GALNT13: variants seen among roughly 807,000 people sequenced by gnomAD.
GALNT13 encodes the protein UDP-GalNAc:polypeptide N-acetylgalactosaminyltransferase 13.
GALNT13 carries 28 observed loss-of-function variants against 64.2 expected under a neutral mutation model. The ratio of observed to expected loss-of-function variants is 0.44; its 90% CI spans 0.32 to 0.60. The LOEUF is 0.60. GALNT13 is among the 20% of genes least tolerant of loss of function. The probability of loss-of-function intolerance (pLI) is 0.05; values close to 1 mark genes in which losing one functional copy is unlikely to be tolerated. For synonymous variants in GALNT13, 214 were observed against 224.6 expected (o/e 0.95, Z 0.42); for missense variants, 577 against 669.8 (o/e 0.86, Z 1.53).
chr2:154,389,415 AG>A (rs779779687), intron 9 of GALNT13, among the ~76,000 whole-genome samples: 25 of 152,216 alleles, frequency 1.6e-4, no homozygotes, highest in Non-Finnish European at 3.4e-4. Context: ...CTGGGATTAT[AG>A]GCATGAGCCA....
chr2:154,173,395 A>G (rs1559004491), intron 4 of GALNT13, among the ~76,000 whole-genome samples: 1 of 151,664 alleles, frequency 6.6e-6, no homozygotes, highest in Non-Finnish European at 1.5e-5. Flanking sequence ...AAATTAAATT[A>G]ATAGATTGAA....
the GALNT13 span, among the ~76,000 whole-genome samples, chr2:153,310,305 C>G: frequency 1.3e-5 from 2 of 152,170 alleles, no homozygotes; most frequent in Non-Finnish European, 2.9e-5. Flanking sequence ...GAATGTTGAA[C>G]CAACCATGCA....
At chr2:154,288,271 C>G (rs895074855) in intron 8 of GALNT13, among the ~76,000 whole-genome samples, 2 of 152,046 alleles carry the variant, frequency 1.3e-5, no homozygotes, top group African/African-American at 4.8e-5. Context: ...TCAAGTACCT[C>G]CCACCAGATT....
At chr2:153,236,836 A>C in the GALNT13 span, among the ~76,000 whole-genome samples, 2 of 152,246 alleles carry the variant, frequency 1.3e-5, no homozygotes, top group South Asian at 2.1e-4. Context: ...ATTATTTAAG[A>C]AATACATTTC....
the GALNT13 span, among the ~76,000 whole-genome samples, chr2:153,598,570 G>C: frequency 6.6e-6 from 1 of 151,972 alleles, no homozygotes; most frequent in Non-Finnish European, 1.5e-5. Flanking sequence ...GTTTCATGAA[G>C]GCAAAGATTT....
chr2:154,454,006 GT>G (rs956961412), downstream of GALNT13, among the ~76,000 whole-genome samples: 31 of 152,136 alleles, frequency 2.0e-4, no homozygotes, highest in African/African-American at 6.0e-4. Context: ...GCTAAAAATG[GT>G]TTTTATTTTT....
Position 154,450,466 on chromosome 2 carries a change from A to G in GALNT13, c.1586A>G (p.Glu529Gly). Reference sequence around the variant, plus strand: ...CAATGTCTCGATGAACCTTCTGAAGAAGACAAAATGGTGCCTACAATGCAG... The same window carrying G: ...CAATGTCTCGATGAACCTTCTGAAGGAGACAAAATGGTGCCTACAATGCAG... ...SNQCLDEPSE[E>G]DKMVPTMQDC... The change falls in exon 13 of 13, where the codon GAA becomes GGA. Residue 529 changes from glutamate to glycine, a missense_variant. Physicochemically the swap from Glu to Gly is moderately conservative, Grantham distance 98. Around this residue, in one of 3 missense-constraint regions of GALNT13, gnomAD observed 232 missense variants for 270.6 expected, o/e 0.86. Coordinates refer to ENST00000392825, the MANE Select transcript of GALNT13 (RefSeq NM_052917.4). 2 of 1,612,916 alleles carry G rather than the reference A, an allele frequency of 1.2e-6. No individual in the cohort carries two copies. The highest frequency in any genetic ancestry group is 1.7e-6 in the Non-Finnish European group (2 of 1,179,250).
the GALNT13 span, among the ~76,000 whole-genome samples, chr2:153,346,187 G>A: frequency 6.6e-6 from 1 of 152,106 alleles, no homozygotes; most frequent in Non-Finnish European, 1.5e-5. Flanking sequence ...GCCTCCCAAA[G>A]TGCTGAGATT....
the GALNT13 span, among the ~76,000 whole-genome samples, chr2:153,755,194 G>A: frequency 5.9e-4 from 90 of 152,176 alleles, 1 homozygote; most frequent in South Asian, 0.016. Context: ...GTTTCTGTTC[G>A]TTTGTGTTTG....
At chr2:153,677,714 G>A in the GALNT13 span, among the ~76,000 whole-genome samples, 1 of 151,166 alleles carries the variant, frequency 6.6e-6, no homozygotes, top group African/African-American at 2.4e-5. Flanking sequence ...AATAGACACA[G>A]ACCAATGAAG....
rs79382941 is a variant in GALNT13, at chr2:154,058,081, C to G, written c.143-82256C>G. Among the ~76,000 whole-genome samples the G allele has an allele frequency of 6.0e-3, 913 of 152,172 alleles. 7 individuals are homozygous for G. Among genetic ancestry groups the G allele is most frequent in the Non-Finnish European group, 9.3e-3 (635 of 68,006 alleles). ...ATGTTATAGTATTTGGAGATAGGAC[C>G]TTTATGAAGGTAGTTAATGTTAAAT... On this transcript the variant is annotated intron_variant, in intron 3 of 12. Transcript: ENST00000392825.
intron 3 of GALNT13, among the ~76,000 whole-genome samples, chr2:154,000,985 T>A (rs1205361224): frequency 1.3e-5 from 2 of 152,032 alleles, no homozygotes; most frequent in Admixed American, 1.3e-4. Flanking sequence ...GTAGGATGCA[T>A]ACATGTTTAC....
At chr2:153,104,822 T>C in the GALNT13 span, among the ~76,000 whole-genome samples, 1 of 152,152 alleles carries the variant, frequency 6.6e-6, no homozygotes, top group African/African-American at 2.4e-5. Context: ...GGTTCTATTA[T>C]CTCTTTTTCA....
chr2:154,079,985 G>T (rs1186214058), intron 3 of GALNT13, among the ~76,000 whole-genome samples: 1 of 151,114 alleles, frequency 6.6e-6, no homozygotes, highest in Non-Finnish European at 1.5e-5. Flanking sequence ...AGTATATTTG[G>T]GTATAATGTG....
At chr2:153,675,686 G>A in the GALNT13 span, among the ~76,000 whole-genome samples, 3 of 151,990 alleles carry the variant, frequency 2.0e-5, no homozygotes, top group African/African-American at 4.8e-5. Flanking sequence ...AGAACTTAAA[G>A]TATAATAATA....
chr2:154,150,545 A>C (rs1683935027), intron 4 of GALNT13, among the ~76,000 whole-genome samples: 3 of 152,128 alleles, frequency 2.0e-5, no homozygotes, highest in Admixed American at 2.0e-4. Flanking sequence ...TTCGGCTGTG[A>C]ATCCATCTGG....
At chr2:153,823,521 G>A in the GALNT13 span, among the ~76,000 whole-genome samples, 11 of 152,086 alleles carry the variant, frequency 7.2e-5, no homozygotes, top group African/African-American at 2.2e-4. Flanking sequence ...AATGGGGAAA[G>A]GACCCCCTAT....
chr2:154,424,530 G>A (rs1245438261), intron 11 of GALNT13, among the ~76,000 whole-genome samples: 1 of 152,028 alleles, frequency 6.6e-6, no homozygotes, highest in Non-Finnish European at 1.5e-5. Context: ...TGACCCTCTG[G>A]GGGTCTTTTA....
chr2:153,934,377 T>A (rs576997440), intron 2 of GALNT13, among the ~76,000 whole-genome samples: 1 of 152,298 alleles, frequency 6.6e-6, no homozygotes, highest in Admixed American at 6.5e-5. Flanking sequence ...TATTTCCTGC[T>A]TTTTTGTGTG....
Sources: allele counts gnomAD v4.1 joint callset (sites outside exome capture counted in the v4.1 genomes callset), GRCh38; gene constraint gnomAD v4.1.1; regional missense constraint gnomAD v4.1.1; transcripts MANE v1.5; gene names NCBI Gene and HGNC (gene_info 2026-07-23, HGNC 2026-07-21).